The following CACYBP variants were observed in gnomAD, a reference collection of about 807,000 sequenced individuals.
The protein encoded by CACYBP is calcyclin-binding protein.
CACYBP carries 11 observed loss-of-function variants against 29.6 expected under a neutral mutation model. The ratio of observed to expected loss-of-function variants is 0.37; its 90% CI spans 0.23 to 0.61. The LOEUF (loss-of-function observed/expected upper bound fraction) is 0.61. Among genes scored for constraint, CACYBP ranks in the 20% least tolerant of loss-of-function variants. The pLI, the probability that CACYBP is intolerant of heterozygous loss-of-function variation, is 0.65. For synonymous variants in CACYBP, 73 were observed against 88.3 expected, an observed-to-expected ratio of 0.83 and a Z score of 0.97; for missense variants, 163 against 260.7, an observed-to-expected ratio of 0.63 and a Z score of 2.58.
At chr1:175,001,772 C>T (rs1574106816) in intron 1 of CACYBP, among the ~76,000 whole-genome samples, 2 of 152,314 alleles carry the variant, frequency 1.3e-5, no homozygotes, top group Admixed American at 6.5e-5. Context: ...GACGGAGTCT[C>T]GCTCTGTCGC....
intron 1 of CACYBP, among the ~76,000 whole-genome samples, chr1:175,003,104 G>T (rs941115169): frequency 2.7e-5 from 4 of 147,244 alleles, no homozygotes; most frequent in African/African-American, 5.2e-5. Flanking sequence ...GGACAAGAGG[G>T]TTGGGCAGAG....
rs760716194 is a variant in CACYBP at position 175,008,712 on chromosome 1, T to A, written c.530+6T>A. 7.4e-6 allele frequency: 10 copies of A among 1,345,514 alleles called. No individual in the cohort carries two copies. The East Asian group carries it at 1.8e-4, about 25-fold the overall frequency. The allele number at this position is 1,345,514 out of a possible 1,614,324, so 83.3% of individuals were successfully genotyped here. On this transcript the variant is annotated splice_donor_region_variant and intron_variant, in intron 5 of 5. Coordinates refer to ENST00000367679, the MANE Select transcript of CACYBP (RefSeq NM_014412.3). ...AAGGAGTGCAAAGAAAAAGAGTGAG[T>A]CTACTTCCATTTTTTTAAAGAATTT...
At chr1:175,001,969 T>G (rs892659058) in intron 1 of CACYBP, among the ~76,000 whole-genome samples, 1 of 152,202 alleles carries the variant, frequency 6.6e-6, no homozygotes, top group African/African-American at 2.4e-5. Flanking sequence ...CTCGAACTCC[T>G]GATCTCAAGT....
intron 4 of CACYBP, 99 bp from the exon 5 acceptor site, chr1:175,008,510 A>G (rs1382792486): frequency 2.7e-5 from 19 of 697,924 alleles, no homozygotes; most frequent in Non-Finnish European, 2.6e-6. Context: ...GTCTATACAT[A>G]CTAGGGACTT....
intron 2 of CACYBP, chr1:175,006,447 T>C (rs1308644704): frequency 4.8e-6 from 1 of 208,560 alleles, no homozygotes; most frequent in East Asian, 1.2e-4. Context: ...TTAAAGAATG[T>C]ATTTAGTGAT....
rs772762766 is a variant in CACYBP, at chr1:175,000,155, C to G, written c.-26C>G. ...TTCCTCCTTCTGCGCGGCTGCAGCT[C>G]GGGACTTCGGCCTGACCCAGCCCCC... On this transcript the variant is annotated 5_prime_UTR_variant, in exon 1 of 6. Coordinates refer to ENST00000367679, the MANE Select transcript of CACYBP (RefSeq NM_014412.3). 4.7e-5 allele frequency: 75 copies of G among 1,602,094 alleles called. No homozygotes were observed. The highest frequency in any genetic ancestry group is 6.0e-5 in the Non-Finnish European group (70 of 1,174,378).
chr1:174,999,722 G>C, upstream of CACYBP: 1 of 255,456 alleles, frequency 3.9e-6, no homozygotes, highest in South Asian at 3.7e-5. Flanking sequence ...TTAACGCAGC[G>C]GTTCCGAGCT....
chr1:175,007,037 T>C, intron 3 of CACYBP, 61 bp from the exon 4 acceptor site: 1 of 1,209,290 alleles, frequency 8.3e-7, no homozygotes, highest in Non-Finnish European at 1.2e-6. Flanking sequence ...CCACAAGAAC[T>C]ATGGAGTAAG....
intron 5 of CACYBP, among the ~76,000 whole-genome samples, chr1:175,009,695 C>T (rs550254703): frequency 4.1e-4 from 62 of 150,450 alleles, no homozygotes; most frequent in South Asian, 2.5e-3. Flanking sequence ...CTAAAAATAG[C>T]CCCTAACTAT....
At position 175,007,135 on chromosome 1, in the gene CACYBP, A is replaced by C; in HGVS notation, c.370A>C (p.Ser124Arg). 2 of 1,611,606 alleles carry C rather than the reference A, an allele frequency of 1.2e-6. No homozygotes were observed. Among genetic ancestry groups the C allele is most frequent in the Middle Eastern group, 3.4e-4 (2 of 5,962 alleles). The change falls in exon 4 of 6, where the codon AGT becomes CGT. Residue 124 changes from serine to arginine, a missense_variant. By Grantham distance (110) the Ser-to-Arg change is moderately radical. Coordinates refer to ENST00000367679, the MANE Select transcript of CACYBP (RefSeq NM_014412.3). ...TTTGGTAAAGAATCTAAATGGGAAG[A>C]GTTACTCCATGATTGTGAACAATCT... ...DLLVKNLNGK[S>R]YSMIVNNLLK...
At chr1:175,002,836 G>T in intron 1 of CACYBP, among the ~76,000 whole-genome samples, 1 of 152,144 alleles carries the variant, frequency 6.6e-6, no homozygotes, top group Non-Finnish European at 1.5e-5. Flanking sequence ...CTAATTCGAA[G>T]TACCTTTCTC....
chr1:175,005,049 G>C (rs1672584332), intron 2 of CACYBP: 5 of 556,718 alleles, frequency 9.0e-6, no homozygotes, highest in African/African-American at 1.9e-5. Flanking sequence ...ACTACAAAAT[G>C]TAACAACAAG....
In CACYBP at chr1:175,010,072, A is replaced by G. The variant is rs757795712; in HGVS notation, c.680A>G (p.Glu227Gly). 3.7e-6 allele frequency: 6 copies of G among 1,612,170 alleles called. No individual in the cohort carries two copies. In the East Asian group the frequency reaches 1.1e-4, roughly 30 times the overall value. Residue 227 changes from glutamate to glycine, a missense_variant, in exon 6 of 6, where the codon GAA (glutamate) becomes GGA (glycine). Glu to Gly is a moderately conservative substitution (Grantham distance 98). Coordinates refer to ENST00000367679, the MANE Select transcript of CACYBP (RefSeq NM_014412.3). ...SREKQAKGDT[E>G]F ...GAGAAGCAAGCCAAAGGAGACACGG[A>G]ATTTTGAGACTTTAAAGTCGTTTTG... is the stretch of plus-strand genomic sequence containing the variant.
At chr1:175,009,819 T>C in intron 5 of CACYBP, 104 bp from the exon 6 acceptor site, 1 of 824,344 alleles carries the variant, frequency 1.2e-6, no homozygotes, top group South Asian at 1.9e-5. Flanking sequence ...GGGTACTCTG[T>C]CTTCCTTCTT....
chr1:175,006,919 T>G, intron 3 of CACYBP, 78 bp downstream of exon 3: 1 of 941,648 alleles, frequency 1.1e-6, no homozygotes, highest in South Asian at 1.4e-5. Context: ...TTCTTTGCAG[T>G]TTTTAAAATT....
intron 1 of CACYBP, among the ~76,000 whole-genome samples, chr1:175,000,956 G>A (rs1672463102): frequency 6.6e-6 from 1 of 152,192 alleles, no homozygotes; most frequent in Admixed American, 6.5e-5. Flanking sequence ...TCATTTCCTG[G>A]CGTAAGTGGG....
chr1:175,009,025 A>G (rs1672683747), intron 5 of CACYBP: 2 of 215,340 alleles, frequency 9.3e-6, no homozygotes, highest in Non-Finnish European at 1.8e-5. Context: ...CGTAGTTTTC[A>G]TTGTCACTGG....
At chr1:175,004,085 T>C (rs1672558015) in intron 1 of CACYBP, among the ~76,000 whole-genome samples, 1 of 152,204 alleles carries the variant, frequency 6.6e-6, no homozygotes, top group Non-Finnish European at 1.5e-5. Flanking sequence ...TTAAGACTTT[T>C]TTTATGTGAG....
In CACYBP at chr1:175,007,190, CA is replaced by C. The variant is rs1161545619; in HGVS notation, c.432del (p.Val145SerfsTer22). The C allele has an allele frequency of 6.3e-6, 10 of 1,594,404 alleles. No individual in the cohort carries two copies. Among genetic ancestry groups the C allele is most frequent in the South Asian group, 2.2e-5 (2 of 89,502 alleles). Reference sequence around the variant, plus strand: ...AAACCCATCTCTGTGGAAGGCAGTTCAAAAAAAGTGAGTGTGCTTTTTTTGA... The same window carrying C: ...AAACCCATCTCTGTGGAAGGCAGTTCAAAAAAGTGAGTGTGCTTTTTTTGA... ...LLKPISVEGS[S>X]KKVKTDTVLI... On this transcript the variant is annotated frameshift_variant, in exon 4 of 6. Transcript: ENST00000367679. LOFTEE classifies it high-confidence loss of function.
Sources: allele counts gnomAD v4.1 joint callset (sites outside exome capture counted in the v4.1 genomes callset), GRCh38; gene constraint gnomAD v4.1.1; transcripts MANE v1.5; gene names NCBI Gene and HGNC (gene_info 2026-07-23, HGNC 2026-07-21).